The following ZSCAN5A variants were observed in gnomAD, a reference collection of about 807,000 sequenced individuals.
ZSCAN5A encodes zinc finger and SCAN domain containing 5A.
Under a neutral mutation model 23.7 loss-of-function variants are expected in ZSCAN5A, and 12 were observed. That is an observed-to-expected ratio of 0.51 (90% CI 0.32 to 0.82). The LOEUF is 0.82. Among genes scored for constraint, ZSCAN5A ranks in the 40% least tolerant of loss-of-function variants. ZSCAN5A has a pLI of 0.03. For synonymous variants in ZSCAN5A, 257 were observed against 239.9 expected (o/e 1.07, Z -0.66); for missense variants, 597 against 617.9 (o/e 0.97, Z 0.36).
At chr19:56,240,179 G>A (rs28442124) in intron 2 of ZSCAN5A, among the ~76,000 whole-genome samples, 8 of 146,450 alleles carry the variant, frequency 5.5e-5, no homozygotes, top group Non-Finnish European at 4.5e-5. Context: ...ACCAAAAGAA[G>A]AAAAAAAAAC....
chr19:56,295,453 G>C lies in ZSCAN5A; in HGVS notation c.-128+17830C>G, dbSNP rs191121095. Among the ~76,000 whole-genome samples the C allele has an allele frequency of 9.2e-5, 14 of 152,082 alleles. 1 individual carries two copies. The East Asian group carries it at 2.7e-3, about 29-fold the overall frequency. On this transcript the variant is annotated intron_variant, in intron 2 of 5. Coordinates refer to ENST00000683990, the MANE Select transcript of ZSCAN5A (RefSeq NM_001322064.3). ...CTACTAAAAATACAAAAATTAGCCGGGTGTGGTTGCGGGTGCCTGTGCTCC... is the reference window on the plus strand; with the variant it reads ...CTACTAAAAATACAAAAATTAGCCGCGTGTGGTTGCGGGTGCCTGTGCTCC...
chr19:56,307,601 CCTTTT>C (rs2040778372), intron 2 of ZSCAN5A, among the ~76,000 whole-genome samples: 1 of 152,168 alleles, frequency 6.6e-6, no homozygotes, highest in African/African-American at 2.4e-5. Context: ...TGCAGTGTTT[CCTTTT>C]AATTGTTCAT....
At chr19:56,247,847 A>C (rs553449259) in intron 2 of ZSCAN5A, among the ~76,000 whole-genome samples, 1 of 151,830 alleles carries the variant, frequency 6.6e-6, no homozygotes, top group East Asian at 1.9e-4. Context: ...GCCTGCCACC[A>C]TGCCCGGCTA....
intron 2 of ZSCAN5A, among the ~76,000 whole-genome samples, chr19:56,356,435 G>A (rs2041701043): frequency 6.7e-6 from 1 of 148,322 alleles, no homozygotes; most frequent in South Asian, 2.1e-4. Context: ...CAGCTGTGCT[G>A]GGGAGGTAAG....
At chr19:56,246,674 T>A (rs1244167437) in intron 2 of ZSCAN5A, 16 of 867,202 alleles carry the variant, frequency 1.8e-5, no homozygotes, top group Non-Finnish European at 2.8e-5. Flanking sequence ...TTGCAATGAG[T>A]TTGGTGTATT....
At chr19:56,250,932 C>T (rs888943721) in intron 2 of ZSCAN5A, among the ~76,000 whole-genome samples, 4 of 152,082 alleles carry the variant, frequency 2.6e-5, no homozygotes, top group East Asian at 1.9e-4. Context: ...AGGCAGATCA[C>T]GAGGGCAAAA....
At chr19:56,337,627 T>G (rs1027841204) in intron 2 of ZSCAN5A, among the ~76,000 whole-genome samples, 2 of 152,192 alleles carry the variant, frequency 1.3e-5, no homozygotes, top group African/African-American at 4.8e-5. Flanking sequence ...CCCAGTGAGA[T>G]GAACCCAGTA....
chr19:56,222,881 C>A, intron 4 of ZSCAN5A, 140 bp from the exon 5 acceptor site: 1 of 1,060,272 alleles, frequency 9.4e-7, no homozygotes, highest in Non-Finnish European at 1.4e-6. Flanking sequence ...CCCTGGACCA[C>A]CCCATCACCC....
intron 2 of ZSCAN5A, among the ~76,000 whole-genome samples, chr19:56,297,272 G>A (rs1350341121): frequency 1.3e-5 from 2 of 151,982 alleles, no homozygotes; most frequent in East Asian, 1.9e-4. Context: ...CTCCTCATTC[G>A]AGGCACCTGG....
intron 2 of ZSCAN5A, chr19:56,322,006 A>G (rs1280934626): frequency 1.3e-6 from 1 of 778,804 alleles, no homozygotes; most frequent in South Asian, 1.3e-5. Context: ...CTGGTAAGTA[A>G]TCATCTCTTT....
intron 2 of ZSCAN5A, among the ~76,000 whole-genome samples, chr19:56,289,729 T>C (rs1313043044): frequency 2.6e-5 from 4 of 152,166 alleles, no homozygotes; most frequent in Non-Finnish European, 5.9e-5. Context: ...TCCTCCTGCC[T>C]CAGCCTCCTG....
chr19:56,326,463 C>A (rs1328372498), intron 2 of ZSCAN5A, among the ~76,000 whole-genome samples: 2 of 152,106 alleles, frequency 1.3e-5, no homozygotes, highest in African/African-American at 4.8e-5. Flanking sequence ...TGCCCTTAGA[C>A]AAGCATCTCC....
intron 2 of ZSCAN5A, chr19:56,363,171 A>G (rs752724726): frequency 4.6e-5 from 7 of 152,212 alleles, no homozygotes; most frequent in Middle Eastern, 3.2e-3. Context: ...ACAAGAGCAC[A>G]CAGATCTAAT....
chr19:56,264,217 A>C (rs1377875926), intron 2 of ZSCAN5A, among the ~76,000 whole-genome samples: 1 of 152,216 alleles, frequency 6.6e-6, no homozygotes, highest in South Asian at 2.1e-4. Flanking sequence ...GCTGGTCTCG[A>C]ACTCCTGACC....
chr19:56,264,228 T>A (rs1319406212), intron 2 of ZSCAN5A, among the ~76,000 whole-genome samples: 1 of 152,156 alleles, frequency 6.6e-6, no homozygotes, highest in Non-Finnish European at 1.5e-5. Flanking sequence ...ACTCCTGACC[T>A]CAAGTGATCC....
intron 2 of ZSCAN5A, among the ~76,000 whole-genome samples, chr19:56,253,048 C>T (rs1286072895): frequency 6.6e-6 from 1 of 152,198 alleles, no homozygotes; most frequent in Admixed American, 6.5e-5. Context: ...AGGACAGCTC[C>T]GTGATTGCAG....
At chr19:56,297,365 T>C (rs932043596) in intron 2 of ZSCAN5A, 1 of 165,428 alleles carries the variant, frequency 6.0e-6, no homozygotes, top group African/African-American at 2.4e-5. Flanking sequence ...TCTCCTCCTC[T>C]TCCTCTTCCT....
chr19:56,228,597 G>A (rs575823462), intron 2 of ZSCAN5A, among the ~76,000 whole-genome samples: 22 of 152,222 alleles, frequency 1.4e-4, no homozygotes, highest in African/African-American at 5.3e-4. Flanking sequence ...GCCACAGACA[G>A]TAATATCCTA....
chr19:56,264,124 G>A (rs2037308509), intron 2 of ZSCAN5A, among the ~76,000 whole-genome samples: 1 of 152,088 alleles, frequency 6.6e-6, no homozygotes, highest in African/African-American at 2.4e-5. Context: ...CTCCTGAGTA[G>A]CTGGGATTGC....
Sources: gnomAD v4.1 joint callset for allele counts (sites outside exome capture counted in the v4.1 genomes callset) on GRCh38, gnomAD v4.1.1 for gene constraint, MANE v1.5 for transcripts, NCBI Gene and HGNC (gene_info 2026-07-23, HGNC 2026-07-21) for gene names.